Variants in MMP26 observed in about 807,000 individuals in gnomAD.
MMP26 encodes the protein matrix metalloproteinase-26.
In MMP26, 33 loss-of-function variants were observed where a neutral mutation model predicts 31.0. The ratio of observed to expected loss-of-function variants is 1.06; its 90% CI spans 0.81 to 1.42. The LOEUF (loss-of-function observed/expected upper bound fraction) is 1.42. MMP26 is among the 40% of genes most tolerant of loss of function. The pLI is 0.00. For missense variants in MMP26, 347 were observed against 316.1 expected (o/e 1.10, Z -0.74); for synonymous variants, 122 against 114.9 (o/e 1.06, Z -0.40).
chr11:4,750,318 G>T (rs1300448584), intron 1 of MMP26, among the ~76,000 whole-genome samples: 1 of 152,036 alleles, frequency 6.6e-6, no homozygotes, highest in African/African-American at 2.4e-5. Flanking sequence ...ACACACTGTT[G>T]GTGGGAATGT....
intron 2 of MMP26, among the ~76,000 whole-genome samples, chr11:4,846,221 A>G (rs1849864589): frequency 6.6e-6 from 1 of 152,226 alleles, no homozygotes; most frequent in African/African-American, 2.4e-5. Flanking sequence ...CTATTCAGCC[A>G]TAAAATGAAT....
chr11:4,810,034 A>G (rs769637673), intron 2 of MMP26, among the ~76,000 whole-genome samples: 5 of 152,186 alleles, frequency 3.3e-5, no homozygotes, highest in Non-Finnish European at 7.3e-5. Flanking sequence ...TTTAAGTATT[A>G]GTTTTCTCAC....
intron 2 of MMP26, among the ~76,000 whole-genome samples, chr11:4,956,901 T>C (rs1206432759): frequency 6.6e-6 from 1 of 152,222 alleles, no homozygotes; most frequent in Non-Finnish European, 1.5e-5. Flanking sequence ...TTAAATTGTT[T>C]TACTTACTGA....
chr11:4,986,932 C>CTCTCTCTCTCCCTCTCTCTCTCTCT (rs1564819722), intron 2 of MMP26, among the ~76,000 whole-genome samples: 1 of 60,408 alleles, frequency 1.7e-5, no homozygotes, highest in Non-Finnish European at 3.1e-5. Context: ...TCTCTCTCTC[C>CTCTCTCTCTCCCTCTCTCTCTCTCT]CTCTCTCTCT....
chr11:4,778,453 GTTTC>G, intron 2 of MMP26, among the ~76,000 whole-genome samples: 1 of 151,928 alleles, frequency 6.6e-6, no homozygotes, highest in East Asian at 1.9e-4. Context: ...CTATATGTGG[GTTTC>G]TTTCTAGATT....
At chr11:4,964,867 T>G (rs1442336230) in intron 2 of MMP26, among the ~76,000 whole-genome samples, 3 of 152,160 alleles carry the variant, frequency 2.0e-5, no homozygotes, top group Non-Finnish European at 4.4e-5. Flanking sequence ...GGCTGAATTA[T>G]GGGAACACAT....
chr11:4,834,499 A>T (rs1849689660), intron 2 of MMP26, among the ~76,000 whole-genome samples: 2 of 152,204 alleles, frequency 1.3e-5, no homozygotes, highest in Admixed American at 6.5e-5. Context: ...ACTCCTAAAG[A>T]ATAAGATATA....
At chr11:4,847,999 A>AC (rs1849898660) in intron 2 of MMP26, 1 of 493,264 alleles carries the variant, frequency 2.0e-6, no homozygotes. Context: ...CAAGATCTGG[A>AC]CTCTGGCCCT....
At chr11:4,986,714 G>A (rs71459831) in intron 2 of MMP26, among the ~76,000 whole-genome samples, 6,753 of 150,956 alleles carry the variant, frequency 0.045, 220 homozygotes, top group Non-Finnish European at 0.068. Context: ...TGTATTTTTA[G>A]TAGAGACGGG....
chr11:4,857,416 A>G (rs1589921097), intron 2 of MMP26, among the ~76,000 whole-genome samples: 1 of 152,126 alleles, frequency 6.6e-6, no homozygotes, highest in African/African-American at 2.4e-5. Context: ...TCACAGAGAT[A>G]CAAACTACCA....
intron 2 of MMP26, among the ~76,000 whole-genome samples, chr11:4,969,001 T>G (rs997697374): frequency 6.6e-6 from 1 of 152,024 alleles, no homozygotes; most frequent in Non-Finnish European, 1.5e-5. Flanking sequence ...TTTCCTTAAA[T>G]GTTTTTTAAA....
At chr11:4,723,423 C>T in intron 1 of MMP26, 1 of 1,013,222 alleles carries the variant, frequency 9.9e-7, no homozygotes, top group Non-Finnish European at 1.6e-6. Flanking sequence ...TGTCCATGTC[C>T]AGGGAGCGGC....
intron 1 of MMP26, among the ~76,000 whole-genome samples, chr11:4,764,724 T>A (rs959523832): frequency 2.0e-5 from 3 of 151,988 alleles, no homozygotes; most frequent in African/African-American, 4.8e-5. Flanking sequence ...ATACAAAAAA[T>A]TAGCTGGGCG....
intron 2 of MMP26, chr11:4,923,637 C>A (rs1168694530): frequency 3.1e-6 from 5 of 1,613,610 alleles, no homozygotes; most frequent in Non-Finnish European, 3.4e-6. Flanking sequence ...CGGAGTCGCT[C>A]CTGGTGGGAG....
intron 2 of MMP26, among the ~76,000 whole-genome samples, chr11:4,798,871 A>G (rs766965982): frequency 3.3e-5 from 5 of 152,220 alleles, no homozygotes; most frequent in Non-Finnish European, 7.3e-5. Context: ...AGAGTAGAAA[A>G]TACTGATGAA....
intron 2 of MMP26, chr11:4,907,470 T>TGTACCTGCTTGCCATCATGG: frequency 4.3e-6 from 7 of 1,613,974 alleles, no homozygotes; most frequent in Non-Finnish European, 5.9e-6. Context: ...ATTTGCCTCA[T>TGTACCTGCTTGCCATCATGG]GTACCTGCTT....
intron 2 of MMP26, among the ~76,000 whole-genome samples, chr11:4,904,225 C>T (rs1015762243): frequency 4.6e-5 from 7 of 152,044 alleles, no homozygotes; most frequent in Non-Finnish European, 2.9e-5. Flanking sequence ...CATTGTTTAC[C>T]ACATTTCACA....
intron 2 of MMP26, among the ~76,000 whole-genome samples, chr11:4,984,719 T>TA (rs1846861942): frequency 6.6e-6 from 1 of 152,190 alleles, no homozygotes; most frequent in Admixed American, 6.5e-5. Context: ...AATTGACAAA[T>TA]ATAAATTGTG....
At chr11:4,855,208 C>T (rs1375195959) in intron 2 of MMP26, among the ~76,000 whole-genome samples, 3 of 152,154 alleles carry the variant, frequency 2.0e-5, no homozygotes, top group African/African-American at 7.2e-5. Flanking sequence ...CAAAGCTGGA[C>T]AGAGAAGGAC....
Sources: allele counts gnomAD v4.1 joint callset (sites outside exome capture counted in the v4.1 genomes callset), GRCh38; gene constraint gnomAD v4.1.1; transcripts MANE v1.5; gene names NCBI Gene and HGNC (gene_info 2026-07-23, HGNC 2026-07-21).